Variants in SLC30A4 observed in about 807,000 individuals in gnomAD.
The protein encoded by SLC30A4 is probable proton-coupled zinc antiporter SLC30A4.
A neutral mutation model predicts 41.7 loss-of-function variants in SLC30A4; 20 were observed. The ratio of observed to expected loss-of-function variants is 0.48; its 90% CI spans 0.34 to 0.70. The LOEUF is 0.70. Ranked by LOEUF, SLC30A4 falls within the 30% of genes least tolerant of loss-of-function variation. The probability of loss-of-function intolerance (pLI) is 0.01; values close to 1 mark genes in which losing one functional copy is unlikely to be tolerated. For missense variants in SLC30A4, 441 were observed against 529.3 expected (o/e 0.83, Z 1.64); for synonymous variants, 181 against 195.9 (o/e 0.92, Z 0.64).
At chr15:45,505,721 G>A (rs1892142654) in intron 3 of SLC30A4, among the ~76,000 whole-genome samples, 1 of 152,132 alleles carries the variant, frequency 6.6e-6, no homozygotes, top group Non-Finnish European at 1.5e-5. Flanking sequence ...AAAAAGGGTG[G>A]TGAGAAGCAG....
At chr15:45,499,804 C>G (rs1891984128) in intron 3 of SLC30A4, among the ~76,000 whole-genome samples, 1 of 151,964 alleles carries the variant, frequency 6.6e-6, no homozygotes, top group African/African-American at 2.4e-5. Flanking sequence ...CATCTTCCTA[C>G]AAAAAGCTGA....
chr15:45,480,731 T>C lies in SLC30A4; in HGVS notation c.*4432A>G, dbSNP rs1388451939. ...CCATATTAAGTTGAGCCAATTAACA[T>C]ATATGCATAAAAGGAAAATAGATTT... On this transcript the variant is annotated 3_prime_UTR_variant, in exon 8 of 8. Transcript: ENST00000261867. 6.6e-6 allele frequency: 1 copy of C among 152,178 alleles called. No individual in the cohort carries two copies. Among genetic ancestry groups the C allele is most frequent in the Non-Finnish European group, 1.5e-5 (1 of 68,050 alleles). 9.4% of individuals were successfully genotyped at this position (152,178 alleles called of 1,614,324 possible). A position where few individuals can be genotyped will look rare whatever the true frequency, so the allele number is the denominator to read the frequency against.
chr15:45,509,747 G>C (rs1892241087), intron 3 of SLC30A4, among the ~76,000 whole-genome samples: 1 of 152,228 alleles, frequency 6.6e-6, no homozygotes, highest in South Asian at 2.1e-4. Flanking sequence ...AGAAGACCCA[G>C]TCACTAAGTA....
At chr15:45,495,891 G>C (rs1891899033) in intron 3 of SLC30A4, among the ~76,000 whole-genome samples, 1 of 152,126 alleles carries the variant, frequency 6.6e-6, no homozygotes, top group Non-Finnish European at 1.5e-5. Context: ...CCCTTTTCTA[G>C]TCATTAATAA....
chr15:45,499,127 G>A (rs903154107), intron 3 of SLC30A4, among the ~76,000 whole-genome samples: 4 of 147,154 alleles, frequency 2.7e-5, no homozygotes, highest in Non-Finnish European at 5.9e-5. Flanking sequence ...CTGTCACTCA[G>A]GCTGTAGTGC....
chr15:45,518,060 C>T (rs990066902), intron 2 of SLC30A4, among the ~76,000 whole-genome samples: 1 of 152,218 alleles, frequency 6.6e-6, no homozygotes, highest in African/African-American at 2.4e-5. Flanking sequence ...TGATCTCTTC[C>T]TCCTGCCTCT....
chr15:45,499,632 G>A (rs1364989070), intron 3 of SLC30A4, among the ~76,000 whole-genome samples: 1 of 152,132 alleles, frequency 6.6e-6, no homozygotes, highest in Non-Finnish European at 1.5e-5. Context: ...CTCTTTGTCT[G>A]GAAAAGAATG....
rs1411193168 is a variant in SLC30A4, at chr15:45,482,310, T to C, written c.*2853A>G. On this transcript the variant is annotated 3_prime_UTR_variant, in exon 8 of 8. Transcript: ENST00000261867. ...GGTGCATGCCTGTGGTACCAGCTAC[T>C]TGGGAGGCTGAGATGGGAGGACCAC... The C allele has an allele frequency of 2.6e-5, 4 of 151,742 alleles. No homozygotes were observed. Among genetic ancestry groups the C allele is most frequent in the African/African-American group, 9.7e-5 (4 of 41,270 alleles). The allele number at this position is 151,742 out of a possible 1,614,324, so 9.4% of individuals were successfully genotyped here. A position where few individuals can be genotyped will look rare whatever the true frequency, so the allele number is the denominator to read the frequency against.
intron 3 of SLC30A4, among the ~76,000 whole-genome samples, chr15:45,507,109 C>T (rs939557173): frequency 1.1e-4 from 16 of 151,916 alleles, no homozygotes; most frequent in African/African-American, 3.4e-4. Flanking sequence ...ATCACGAGGA[C>T]GGGAGATCCA....
rs1566873784 is a variant in SLC30A4, at chr15:45,484,280, C to A, written c.*883G>T. 1 of 152,188 alleles carries A rather than the reference C, an allele frequency of 6.6e-6. No individual in the cohort carries two copies. The highest frequency in any genetic ancestry group is 2.4e-5 in the African/African-American group (1 of 41,440). The allele number at this position is 152,188 out of a possible 1,614,324, so 9.4% of individuals were successfully genotyped here. A position where few individuals can be genotyped will look rare whatever the true frequency, so the allele number is the denominator to read the frequency against. On this transcript the variant is annotated 3_prime_UTR_variant, in exon 8 of 8. Transcript: ENST00000261867. ...TAAAGGGACAGAAGATTACTGTTTACATTTTGCAGTCTCTTGCTTTTTTAA... is the reference window on the plus strand; with the variant it reads ...TAAAGGGACAGAAGATTACTGTTTAAATTTTGCAGTCTCTTGCTTTTTTAA...
At chr15:45,491,472 C>T (rs1237742366) in intron 3 of SLC30A4, among the ~76,000 whole-genome samples, 1 of 152,140 alleles carries the variant, frequency 6.6e-6, no homozygotes, top group Non-Finnish European at 1.5e-5. Context: ...TGCCTGTAAT[C>T]CTCCAACACT....
intron 3 of SLC30A4, among the ~76,000 whole-genome samples, chr15:45,509,441 AT>A (rs1259603289): frequency 6.6e-6 from 1 of 152,014 alleles, no homozygotes; most frequent in Non-Finnish European, 1.5e-5. Context: ...TTTAGTAGAT[AT>A]GGGGTTTCAC....
chr15:45,508,288 G>C (rs1372198588), intron 3 of SLC30A4, among the ~76,000 whole-genome samples: 1 of 152,162 alleles, frequency 6.6e-6, no homozygotes, highest in African/African-American at 2.4e-5. Flanking sequence ...AGTTTTCCCT[G>C]AACATTTTGT....
Position 45,483,123 on chromosome 15 carries a change from T to G in SLC30A4, c.*2040A>C, listed in dbSNP as rs770581695. 5.9e-5 allele frequency: 9 copies of G among 152,140 alleles called. No homozygotes were observed. The highest frequency in any genetic ancestry group is 2.2e-4 in the African/African-American group (9 of 41,422). The allele number at this position is 152,140 out of a possible 1,614,324, so 9.4% of individuals were successfully genotyped here. ...TTCAATTCAACAAACATCTACTGGG[T>G]TTCATTAGAGGGACCATCAATCCTT... On this transcript the variant is annotated 3_prime_UTR_variant, in exon 8 of 8. Coordinates refer to ENST00000261867, the MANE Select transcript of SLC30A4 (RefSeq NM_013309.6).
At position 45,522,221 on chromosome 15, in the gene SLC30A4, T is replaced by G; in HGVS notation, c.134A>C (p.Lys45Thr). ...GTCATCGGCCACCACAACTCGAAGT[T>G]TGTTGAACCGAGAAAGCCCCTCGTC... is the stretch of plus-strand genomic sequence containing the variant. Reference protein sequence around the residue: ...AGDEGLSRFNKLRVVVADDGS... With the variant: ...AGDEGLSRFNTLRVVVADDGS... The change falls in exon 2 of 8, where the codon AAA (lysine) becomes ACA (threonine). Residue 45 changes from lysine to threonine, a missense_variant. This residue lies in a region of SLC30A4 where 312 missense variants were observed against 341.9 expected (regional missense o/e 0.91). Coordinates refer to ENST00000261867, the MANE Select transcript of SLC30A4 (RefSeq NM_013309.6). 1 of 1,614,186 alleles carries G rather than the reference T, an allele frequency of 6.2e-7. No individual in the cohort carries two copies. The highest frequency in any genetic ancestry group is 8.5e-7 in the Non-Finnish European group (1 of 1,180,032).
rs1371460679 is a variant in SLC30A4 at position 45,522,347 on chromosome 15, C to A, written c.8G>T (p.Gly3Val). 6 of 1,605,730 alleles carry A rather than the reference C, an allele frequency of 3.7e-6. No homozygotes were observed. Among genetic ancestry groups the A allele is most frequent in the Non-Finnish European group, 5.1e-6 (6 of 1,176,300 alleles). MAGSGAWKRLKSM... is the reference protein window; with the variant it reads MAVSGAWKRLKSM... ...TTTGAGGCGCTTCCACGCGCCAGAG[C>A]CGGCCATGGCAGAGGCTGAGCGGCC... Residue 3 changes from glycine to valine, a missense_variant, in exon 2 of 8, where the codon GGC becomes GTC. Physicochemically the swap from Gly to Val is moderately radical, Grantham distance 109. Around this residue, in one of 3 missense-constraint regions of SLC30A4, gnomAD observed 312 missense variants for 341.9 expected, o/e 0.91. Coordinates refer to ENST00000261867, the MANE Select transcript of SLC30A4 (RefSeq NM_013309.6).
At chr15:45,509,464 G>C (rs892617539) in intron 3 of SLC30A4, among the ~76,000 whole-genome samples, 5 of 152,036 alleles carry the variant, frequency 3.3e-5, no homozygotes, top group Non-Finnish European at 7.4e-5. Context: ...ATGTTGGCTA[G>C]GCTGGTCTTG....
At chr15:45,505,880 T>C (rs927770083) in intron 3 of SLC30A4, among the ~76,000 whole-genome samples, 4 of 152,132 alleles carry the variant, frequency 2.6e-5, no homozygotes, top group African/African-American at 9.7e-5. Context: ...CTGTGTTTTC[T>C]TTTAAAAAAT....
intron 2 of SLC30A4, among the ~76,000 whole-genome samples, chr15:45,520,024 C>A (rs929873920): frequency 6.6e-6 from 1 of 152,072 alleles, no homozygotes; most frequent in African/African-American, 2.4e-5. Context: ...TGAATTAATT[C>A]AACAAGTTTA....
Sources: gnomAD v4.1 joint callset for allele counts (sites outside exome capture counted in the v4.1 genomes callset) on GRCh38, gnomAD v4.1.1 for gene constraint, gnomAD v4.1.1 regional missense constraint, MANE v1.5 for transcripts, NCBI Gene and HGNC (gene_info 2026-07-23, HGNC 2026-07-21) for gene names.